The following STAG1 variants were observed in gnomAD, a reference collection of about 807,000 sequenced individuals.
STAG1 encodes the protein cohesin subunit SA-1.
STAG1 carries 26 observed loss-of-function variants against 170.9 expected under a neutral mutation model. The ratio of observed to expected loss-of-function variants is 0.15; its 90% CI spans 0.11 to 0.21. STAG1 has a LOEUF of 0.21. Among genes scored for constraint, STAG1 ranks in the 10% least tolerant of loss-of-function variants. The pLI is 1.00. For missense variants in STAG1, 964 were observed against 1,509.5 expected (o/e 0.64, Z 5.99); for synonymous variants, 514 against 497.7 (o/e 1.03, Z -0.44).
intron 1 of STAG1, among the ~76,000 whole-genome samples, chr3:136,699,275 G>A (rs1942980446): frequency 6.6e-6 from 1 of 152,122 alleles, no homozygotes; most frequent in Admixed American, 6.6e-5. Flanking sequence ...AATTTTATAG[G>A]AAGAAAATGT....
chr3:136,647,282 C>CTTTTTTTTA (rs1941060793), intron 1 of STAG1, among the ~76,000 whole-genome samples: 6 of 152,062 alleles, frequency 3.9e-5, no homozygotes, highest in Admixed American at 3.9e-4. Context: ...ATAAAAATAT[C>CTTTTTTTTA]TTTCCTGGCC....
chr3:136,464,521 AG>A (rs1471761679), intron 13 of STAG1, among the ~76,000 whole-genome samples: 1 of 152,216 alleles, frequency 6.6e-6, no homozygotes, highest in East Asian at 1.9e-4. Flanking sequence ...CTTCAAATTT[AG>A]ATTACAAATG....
chr3:136,412,911 G>C (rs1376413628), intron 21 of STAG1, among the ~76,000 whole-genome samples: 1 of 150,668 alleles, frequency 6.6e-6, no homozygotes, highest in African/African-American at 2.4e-5. Flanking sequence ...ACCCAGGCTG[G>C]AGTGCAGTGG....
intron 3 of STAG1, among the ~76,000 whole-genome samples, chr3:136,610,766 CTT>C (rs775892330): frequency 2.0e-5 from 3 of 152,106 alleles, no homozygotes; most frequent in Non-Finnish European, 2.9e-5. Flanking sequence ...CACATTTACT[CTT>C]TGTTCTGTGA....
chr3:136,524,656 G>A (rs1934896190), intron 6 of STAG1, among the ~76,000 whole-genome samples: 1 of 152,268 alleles, frequency 6.6e-6, no homozygotes, highest in African/African-American at 2.4e-5. Flanking sequence ...GTGAGAGAGG[G>A]CATCCCTGTC....
chr3:136,613,947 G>A (rs1213169832), intron 3 of STAG1, among the ~76,000 whole-genome samples: 1 of 152,146 alleles, frequency 6.6e-6, no homozygotes. Context: ...GGGCGTCGTG[G>A]CTCATGCCTG....
rs754333040 is a variant in STAG1, at chr3:136,649,755, C to CA, written c.-83-18775dup. On this transcript the variant is annotated intron_variant, in intron 1 of 33. Transcript: ENST00000383202. The stretch of plus-strand genomic sequence containing the variant: ...ACATAGTGAGACCTCGTTTCCGTAG[C>CA]AAAAAAAAAAAAGATTTTTTTTGTT... Among the ~76,000 whole-genome samples, 802 of 130,942 alleles carry CA rather than the reference C, an allele frequency of 6.1e-3. 1 individual carries two copies. The highest frequency in any genetic ancestry group is 0.01 in the South Asian group (41 of 4,052). 85.9% of individuals were successfully genotyped at this position (130,942 alleles called of 152,430 possible).
chr3:136,348,898 T>C (rs777326188), intron 29 of STAG1: 27 of 473,028 alleles, frequency 5.7e-5, no homozygotes, highest in Middle Eastern at 1.2e-3. Context: ...AGTATGGGGA[T>C]TGATTTTATA....
chr3:136,498,741 G>T (rs947263971), intron 9 of STAG1, among the ~76,000 whole-genome samples: 5 of 150,528 alleles, frequency 3.3e-5, no homozygotes, highest in East Asian at 1.9e-4. Flanking sequence ...GCAAATCCTT[G>T]TTCTTTTTAA....
intron 5 of STAG1, among the ~76,000 whole-genome samples, chr3:136,561,954 C>T (rs1936860290): frequency 1.3e-5 from 2 of 151,998 alleles, no homozygotes; most frequent in Non-Finnish European, 2.9e-5. Context: ...ATCCTTCTTT[C>T]ACTCTTCATA....
At chr3:136,426,822 A>C (rs1276105228) in intron 16 of STAG1, among the ~76,000 whole-genome samples, 1 of 151,878 alleles carries the variant, frequency 6.6e-6, no homozygotes, top group Non-Finnish European at 1.5e-5. Flanking sequence ...TAATCCCAGC[A>C]CTTTGGGAGG....
intron 30 of STAG1, among the ~76,000 whole-genome samples, chr3:136,342,670 G>A (rs1936031863): frequency 6.6e-6 from 1 of 152,248 alleles, no homozygotes; most frequent in African/African-American, 2.4e-5. Context: ...AAACTTTAGT[G>A]GTTTTTTAGC....
chr3:136,484,953 C>T (rs2089976555), intron 9 of STAG1, among the ~76,000 whole-genome samples: 1 of 152,130 alleles, frequency 6.6e-6, no homozygotes, highest in African/African-American at 2.4e-5. Flanking sequence ...GGTGCGCGCA[C>T]ACACTGGCCT....
chr3:136,608,056 A>G (rs1354002288), intron 3 of STAG1, among the ~76,000 whole-genome samples: 1 of 152,200 alleles, frequency 6.6e-6, no homozygotes, highest in Non-Finnish European at 1.5e-5. Flanking sequence ...AAGGAGTTCT[A>G]GACCAGCCTG....
At chr3:136,711,976 T>C (rs1025305178) in intron 1 of STAG1, among the ~76,000 whole-genome samples, 9 of 152,320 alleles carry the variant, frequency 5.9e-5, no homozygotes, top group African/African-American at 2.2e-4. Flanking sequence ...AAGCACTGTT[T>C]AACGGAAAAA....
At chr3:136,560,677 T>A (rs1211958773) in intron 5 of STAG1, among the ~76,000 whole-genome samples, 1 of 152,188 alleles carries the variant, frequency 6.6e-6, no homozygotes, top group Non-Finnish European at 1.5e-5. Context: ...CTGGTTCAAA[T>A]GAAGAGACTA....
At chr3:136,444,503 A>G (rs1395797754) in intron 14 of STAG1, among the ~76,000 whole-genome samples, 1 of 152,218 alleles carries the variant, frequency 6.6e-6, no homozygotes, top group Non-Finnish European at 1.5e-5. Context: ...TTTGAGGCTC[A>G]TTACATTCAG....
intron 5 of STAG1, among the ~76,000 whole-genome samples, chr3:136,543,029 A>G (rs1935981505): frequency 6.6e-6 from 1 of 152,188 alleles, no homozygotes; most frequent in African/African-American, 2.4e-5. Flanking sequence ...TAAGCTATCT[A>G]TGGAAAGATC....
At chr3:136,647,019 C>G (rs1941048871) in intron 1 of STAG1, among the ~76,000 whole-genome samples, 1 of 152,174 alleles carries the variant, frequency 6.6e-6, no homozygotes, top group Non-Finnish European at 1.5e-5. Context: ...ATGCTAATTA[C>G]TCTGATCTGA....
Sources: allele counts gnomAD v4.1 joint callset (sites outside exome capture counted in the v4.1 genomes callset), GRCh38; gene constraint gnomAD v4.1.1; transcripts MANE v1.5; gene names NCBI Gene and HGNC (gene_info 2026-07-23, HGNC 2026-07-21).